Variants in DYNC1I2 observed in about 807,000 individuals in gnomAD.
DYNC1I2 encodes the protein dynein cytoplasmic 1 intermediate chain 2.
Under a neutral mutation model 88.6 loss-of-function variants are expected in DYNC1I2, and 53 were observed. That is an observed-to-expected ratio of 0.60 (90% CI 0.48 to 0.75). The LOEUF is 0.75. DYNC1I2 is among the 30% of genes least tolerant of loss of function. The pLI is 0.00. For missense variants in DYNC1I2, 458 were observed against 766.6 expected (o/e 0.60, Z 4.75); for synonymous variants, 198 against 254.6 (o/e 0.78, Z 2.12).
intron 7 of DYNC1I2, among the ~76,000 whole-genome samples, chr2:171,716,670 C>T (rs1687517504): frequency 1.3e-5 from 2 of 152,066 alleles, no homozygotes; most frequent in Non-Finnish European, 2.9e-5. Context: ...CTTTGGGAGA[C>T]CAAGGCAGGT....
intron 7 of DYNC1I2, among the ~76,000 whole-genome samples, chr2:171,716,967 A>G (rs1687540910): frequency 6.6e-6 from 1 of 152,030 alleles, no homozygotes; most frequent in Admixed American, 6.6e-5. Flanking sequence ...ATAGTAGATC[A>G]TCACAGACAC....
chr2:171,691,468 C>G (rs1685400200), intron 2 of DYNC1I2, among the ~76,000 whole-genome samples: 1 of 152,136 alleles, frequency 6.6e-6, no homozygotes, highest in Admixed American at 6.5e-5. Flanking sequence ...CCAGAAATCT[C>G]TTGGGGACTA....
intron 13 of DYNC1I2, 125 bp downstream of exon 13, chr2:171,728,543 G>A (rs937508112): frequency 3.8e-6 from 3 of 795,510 alleles, no homozygotes; most frequent in Non-Finnish European, 5.8e-6. Flanking sequence ...AAGCTGAAAC[G>A]TGTTTAATAT....
At chr2:171,727,780 T>G (rs761114991) in intron 11 of DYNC1I2, 41 bp from the exon 12 acceptor site, 2 of 1,587,806 alleles carry the variant, frequency 1.3e-6, no homozygotes. Flanking sequence ...TCAGGCATTT[T>G]CCATTTGAAT....
chr2:171,728,462 GT>G, intron 13 of DYNC1I2, 44 bp downstream of exon 13: 2 of 1,224,488 alleles, frequency 1.6e-6, no homozygotes. Context: ...CAAATGTTAT[GT>G]TTTAAGTGTA....
At chr2:171,706,682 G>A in intron 4 of DYNC1I2, 118 bp downstream of exon 4, 2 of 873,776 alleles carry the variant, frequency 2.3e-6, no homozygotes, top group East Asian at 5.3e-5. Context: ...CCAAATTGCT[G>A]GAAACTAATG....
chr2:171,689,980 C>T (rs966752609), intron 1 of DYNC1I2, among the ~76,000 whole-genome samples, 167 bp from the exon 2 acceptor site: 16 of 149,712 alleles, frequency 1.1e-4, no homozygotes, highest in African/African-American at 3.7e-4. Context: ...CCCACTTTAG[C>T]CTCCCAAAGT....
At chr2:171,723,314 T>C (rs1688019822) in intron 7 of DYNC1I2, among the ~76,000 whole-genome samples, 1 of 152,172 alleles carries the variant, frequency 6.6e-6, no homozygotes, top group Non-Finnish European at 1.5e-5. Flanking sequence ...AATTCCTATC[T>C]TTGATTTTAG....
In DYNC1I2 at chr2:171,713,633, A is replaced by G. The variant is rs185114131; in HGVS notation, c.395+807A>G. On this transcript the variant is annotated intron_variant, in intron 6 of 17. Transcript: ENST00000397119. ...ATTCATTCATTCAGTTATTTATTCT[A>G]GATTCTAATGCAAATTATAAATGTT... Among the ~76,000 whole-genome samples, 305 of 152,256 alleles carry G rather than the reference A, an allele frequency of 2.0e-3. 1 individual carries two copies. Among genetic ancestry groups the G allele is most frequent in the African/African-American group, 6.9e-3 (288 of 41,564 alleles).
intron 15 of DYNC1I2, among the ~76,000 whole-genome samples, chr2:171,739,120 A>AAC: frequency 6.6e-6 from 1 of 151,790 alleles, no homozygotes; most frequent in East Asian, 1.9e-4. Flanking sequence ...AAAAAAAAAA[A>AAC]GAAAACCACC....
Position 171,715,380 on chromosome 2 carries a change from C to G in DYNC1I2, c.448C>G (p.Pro150Ala). The change falls in exon 7 of 18, where the codon CCT (proline) becomes GCT (alanine). Residue 150 changes from proline to alanine, a missense_variant. This residue lies in a region of DYNC1I2 where 203 missense variants were observed against 354.2 expected (regional missense o/e 0.57). Coordinates refer to ENST00000397119, the MANE Select transcript of DYNC1I2 (RefSeq NM_001378.3). ...MAKITQVDFP[P>A]REIVTYTKET... The stretch of plus-strand genomic sequence containing the variant: ...TAAAATCACGCAAGTCGACTTTCCT[C>G]CTCGAGAAATTGTCACGTATACAAA... The G allele has an allele frequency of 6.4e-7, 1 of 1,569,522 alleles. No individual in the cohort carries two copies. Among genetic ancestry groups the G allele is most frequent in the Non-Finnish European group, 8.7e-7 (1 of 1,155,816 alleles).
intron 7 of DYNC1I2, among the ~76,000 whole-genome samples, chr2:171,718,787 C>T (rs1687704048): frequency 6.6e-6 from 1 of 152,134 alleles, no homozygotes; most frequent in African/African-American, 2.4e-5. Context: ...CAAGAAGTGC[C>T]TACCACTTAT....
At chr2:171,728,588 AC>A in intron 13 of DYNC1I2, 128 bp from the exon 14 acceptor site, 1 of 960,778 alleles carries the variant, frequency 1.0e-6, no homozygotes, top group Non-Finnish European at 1.5e-6. Context: ...TTACTTTGAA[AC>A]CTGCTTCATT....
intron 3 of DYNC1I2, among the ~76,000 whole-genome samples, chr2:171,705,005 T>C (rs1686569481): frequency 6.6e-6 from 1 of 152,146 alleles, no homozygotes; most frequent in South Asian, 2.1e-4. Context: ...ATAGAGTCTT[T>C]TCCATCATTT....
At chr2:171,689,882 CTTTTTTTTTTT>C (rs10716223) in intron 1 of DYNC1I2, among the ~76,000 whole-genome samples, 23 of 54,162 alleles carry the variant, frequency 4.2e-4, no homozygotes, top group South Asian at 7.9e-4. Flanking sequence ...TTTTTCTTGC[CTTTTTTTTTTT>C]TTTTTTTTTT....
In DYNC1I2 at chr2:171,727,824, G is replaced by C; in HGVS notation, c.1000G>C (p.Ala334Pro). ...TAAAAATCTTACTTATTTGCAGTCA[G>C]CTGTGATGTCTGCCACATTTGCAAA... ...TPEYVFHCQS[A>P]VMSATFAKFH... The change falls in exon 12 of 18, where the codon GCT (alanine) becomes CCT (proline). Residue 334 changes from alanine to proline, a missense_variant. Transcript: ENST00000397119. 1 of 1,612,078 alleles carries C rather than the reference G, an allele frequency of 6.2e-7. No homozygotes were observed. The highest frequency in any genetic ancestry group is 2.2e-5 in the East Asian group (1 of 44,836).
At position 171,744,206 on chromosome 2, in the gene DYNC1I2, C is replaced by A. The variant is rs12619041; in HGVS notation, c.1677+17C>A. 0.25 allele frequency: 385,257 copies of A among 1,560,434 alleles called. 51,239 individuals are homozygous for A. The highest frequency in any genetic ancestry group is 0.55 in the East Asian group (24,155 of 43,890). On this transcript the variant is annotated intron_variant, in intron 16 of 17. Transcript: ENST00000397119. ...GACACAGAGGTGAGCAGGAAAATAA[C>A]AAAAATTGCATTGAAAAATAGAAAA...
chr2:171,718,695 A>G (rs1448013940), intron 7 of DYNC1I2, among the ~76,000 whole-genome samples: 4 of 152,092 alleles, frequency 2.6e-5, no homozygotes, highest in Non-Finnish European at 5.9e-5. Flanking sequence ...TGCCTCCCAA[A>G]GTGCTGGGAT....
chr2:171,692,998 T>A, intron 3 of DYNC1I2, 104 bp downstream of exon 3: 1 of 849,066 alleles, frequency 1.2e-6, no homozygotes, highest in South Asian at 1.6e-5. Flanking sequence ...ATTTTCCTTG[T>A]GTCTCTAAAA....
Sources: allele counts gnomAD v4.1 joint callset (sites outside exome capture counted in the v4.1 genomes callset), GRCh38; gene constraint gnomAD v4.1.1; regional missense constraint gnomAD v4.1.1; transcripts MANE v1.5; gene names NCBI Gene and HGNC (gene_info 2026-07-23, HGNC 2026-07-21).